The following DPY19L2 variants were observed in gnomAD, a reference collection of about 807,000 sequenced individuals.
DPY19L2 encodes the protein probable C-mannosyltransferase DPY19L2.
A neutral mutation model predicts 97.9 loss-of-function variants in DPY19L2; 34 were observed. That is an observed-to-expected ratio of 0.35 (90% CI 0.26 to 0.46). The LOEUF (loss-of-function observed/expected upper bound fraction) is 0.46. DPY19L2 is among the 20% of genes least tolerant of loss of function. The probability of loss-of-function intolerance (pLI) is 1.00; values close to 1 mark genes in which losing one functional copy is unlikely to be tolerated. For missense variants in DPY19L2, 623 were observed against 911.4 expected (o/e 0.68, Z 4.07); for synonymous variants, 230 against 307.9 (o/e 0.75, Z 2.65).
At chr12:63,662,475 ATATT>A (rs781188423) in intron 3 of DPY19L2, among the ~76,000 whole-genome samples, 1 of 151,272 alleles carries the variant, frequency 6.6e-6, no homozygotes, top group Non-Finnish European at 1.5e-5. Context: ...GCAAAAGACT[ATATT>A]TAGGGAAATA....
chr12:63,631,866 A>G (rs1192417266), intron 6 of DPY19L2, among the ~76,000 whole-genome samples: 4 of 152,136 alleles, frequency 2.6e-5, no homozygotes, highest in Non-Finnish European at 5.9e-5. Flanking sequence ...CTTATCTACC[A>G]TGATCAAGTG....
intron 16 of DPY19L2, among the ~76,000 whole-genome samples, chr12:63,586,669 A>C (rs1881846318): frequency 6.6e-6 from 1 of 152,198 alleles, no homozygotes; most frequent in African/African-American, 2.4e-5. Flanking sequence ...GGTGACTGTG[A>C]GGATTTATTG....
chr12:63,637,642 T>TC (rs1201838160), intron 6 of DPY19L2, among the ~76,000 whole-genome samples: 1 of 151,944 alleles, frequency 6.6e-6, no homozygotes, highest in Non-Finnish European at 1.5e-5. Flanking sequence ...ATATACACCC[T>TC]CCAAGACTAA....
chr12:63,640,316 G>A (rs528426685), intron 6 of DPY19L2, among the ~76,000 whole-genome samples: 8 of 152,058 alleles, frequency 5.3e-5, no homozygotes. Context: ...AAACCTGCAC[G>A]TTGTGCACAT....
At chr12:63,650,184 C>G (rs550947310) in intron 4 of DPY19L2, among the ~76,000 whole-genome samples, 4 of 152,022 alleles carry the variant, frequency 2.6e-5, no homozygotes, top group Non-Finnish European at 4.4e-5. Context: ...ATTGTAAGAG[C>G]CATCTATGAA....
intron 9 of DPY19L2, among the ~76,000 whole-genome samples, chr12:63,620,850 C>T (rs1888576323): frequency 6.6e-6 from 1 of 152,110 alleles, no homozygotes; most frequent in Non-Finnish European, 1.5e-5. Context: ...AAATGTGGTA[C>T]ATATACACCA....
At chr12:63,639,150 T>C (rs1565821169) in intron 6 of DPY19L2, among the ~76,000 whole-genome samples, 2 of 152,104 alleles carry the variant, frequency 1.3e-5, no homozygotes, top group South Asian at 4.1e-4. Flanking sequence ...TGGCTAGCCA[T>C]ATGTAGGAAG....
At chr12:63,638,217 T>C (rs1892083134) in intron 6 of DPY19L2, among the ~76,000 whole-genome samples, 1 of 152,114 alleles carries the variant, frequency 6.6e-6, no homozygotes, top group Non-Finnish European at 1.5e-5. Context: ...CTCAAAATAA[T>C]AAGAGCTATC....
intron 6 of DPY19L2, among the ~76,000 whole-genome samples, chr12:63,635,725 G>A (rs1262136249): frequency 6.6e-6 from 1 of 151,974 alleles, no homozygotes; most frequent in Non-Finnish European, 1.5e-5. Flanking sequence ...AGCGAGAGGA[G>A]AAGTTTAGAG....
At chr12:63,612,204 G>A (rs1164654422) in intron 11 of DPY19L2, among the ~76,000 whole-genome samples, 1 of 151,918 alleles carries the variant, frequency 6.6e-6, no homozygotes, top group African/African-American at 2.4e-5. Context: ...AAAAATGAAG[G>A]CAAAATAAAG....
rs190960158 is a variant in DPY19L2, at chr12:63,653,549, A to G, written c.589-6184T>C. On this transcript the variant is annotated intron_variant, in intron 4 of 21. Coordinates refer to ENST00000324472, the MANE Select transcript of DPY19L2 (RefSeq NM_173812.5). ...GGCGACAGAGTGAGATCCTGTCTCA[A>G]AATAAATAAATACATACATAAATAA... 2.0e-5 allele frequency among the ~76,000 whole-genome samples: 3 copies of G among 152,276 alleles called. No individual in the cohort carries two copies. In the East Asian group the frequency reaches 5.8e-4, roughly 29 times the overall value.
chr12:63,600,979 G>A (rs1027174882), intron 12 of DPY19L2, among the ~76,000 whole-genome samples: 1 of 151,978 alleles, frequency 6.6e-6, no homozygotes, highest in Non-Finnish European at 1.5e-5. Context: ...TAGAGACGGG[G>A]TTTCACCGTG....
intron 12 of DPY19L2, among the ~76,000 whole-genome samples, chr12:63,603,907 A>T (rs1885602990): frequency 6.6e-6 from 1 of 152,198 alleles, no homozygotes; most frequent in African/African-American, 2.4e-5. Flanking sequence ...CAATAACCAA[A>T]ACAGCATGGT....
chr12:63,580,908 C>T (rs1880766745), intron 18 of DPY19L2, 72 bp from the exon 19 acceptor site: 1 of 1,481,530 alleles, frequency 6.7e-7, no homozygotes, highest in African/African-American at 1.4e-5. Flanking sequence ...TAAATTCTCA[C>T]CTTGTTACTC....
intron 11 of DPY19L2, among the ~76,000 whole-genome samples, chr12:63,610,435 C>T (rs397834785): frequency 6.6e-6 from 1 of 151,788 alleles, no homozygotes; most frequent in African/African-American, 2.4e-5. Context: ...TTTACTTTCT[C>T]ACCCTAAAAA....
intron 6 of DPY19L2, among the ~76,000 whole-genome samples, chr12:63,631,676 T>A (rs2958300): frequency 0.013 from 2,040 of 152,066 alleles, 24 homozygotes; most frequent in Non-Finnish European, 0.021. Context: ...ACTATTCCAA[T>A]CAATAGAAAA....
At chr12:63,654,682 G>A (rs1381828708) in intron 4 of DPY19L2, among the ~76,000 whole-genome samples, 4 of 152,074 alleles carry the variant, frequency 2.6e-5, no homozygotes, top group African/African-American at 4.8e-5. Context: ...CAGAAGTGAC[G>A]ATGCCATTAT....
chr12:63,611,957 T>G (rs1184914479), intron 11 of DPY19L2, among the ~76,000 whole-genome samples: 1 of 151,972 alleles, frequency 6.6e-6, no homozygotes, highest in Non-Finnish European at 1.5e-5. Context: ...TAAAGAAAGC[T>G]ATAGTAAGGC....
At chr12:63,563,860 T>C (rs1877118214) in intron 21 of DPY19L2, among the ~76,000 whole-genome samples, 1 of 152,186 alleles carries the variant, frequency 6.6e-6, no homozygotes, top group Non-Finnish European at 1.5e-5. Context: ...ATATCTGTCT[T>C]GAAGTTTTCT....
Sources: allele counts gnomAD v4.1 joint callset (sites outside exome capture counted in the v4.1 genomes callset), GRCh38; gene constraint gnomAD v4.1.1; transcripts MANE v1.5; gene names NCBI Gene and HGNC (gene_info 2026-07-23, HGNC 2026-07-21).